The following SLC6A5 variants were observed in gnomAD, a reference collection of about 807,000 sequenced individuals.
SLC6A5 encodes sodium- and chloride-dependent glycine transporter 2.
Under a neutral mutation model 90.5 loss-of-function variants are expected in SLC6A5, and 58 were observed. That is an observed-to-expected ratio of 0.64 (90% CI 0.52 to 0.80). SLC6A5 has a LOEUF of 0.80. SLC6A5 is among the 30% of genes least tolerant of loss of function. SLC6A5 has a pLI of 0.00. For missense variants in SLC6A5, 1,015 were observed against 1,017.6 expected, an observed-to-expected ratio of 1.00 and a Z score of 0.03; for synonymous variants, 427 against 401.4, an observed-to-expected ratio of 1.06 and a Z score of -0.76.
chr11:20,623,672 C>T (rs1852935565), intron 7 of SLC6A5, among the ~76,000 whole-genome samples: 1 of 152,110 alleles, frequency 6.6e-6, no homozygotes, highest in South Asian at 2.1e-4. Context: ...TCCCTACTCC[C>T]ACCTTGCCGA....
chr11:20,603,841 G>A (rs2241942), intron 2 of SLC6A5, among the ~76,000 whole-genome samples: 37,133 of 151,878 alleles, frequency 0.24, 4,643 homozygotes, highest in Middle Eastern at 0.28. Flanking sequence ...TGTGGGAGAG[G>A]GTTAATTAGG....
chr11:20,618,679 G>A (rs1174740798), intron 7 of SLC6A5, among the ~76,000 whole-genome samples: 3 of 152,124 alleles, frequency 2.0e-5, no homozygotes, highest in Non-Finnish European at 4.4e-5. Flanking sequence ...GCTCAGGCCT[G>A]TAATCCCAGC....
intron 2 of SLC6A5, among the ~76,000 whole-genome samples, chr11:20,603,995 C>T (rs1012404465): frequency 6.6e-6 from 1 of 151,806 alleles, no homozygotes; most frequent in Admixed American, 6.6e-5. Flanking sequence ...GCTGGTGCGC[C>T]CTGACTGTAT....
chr11:20,654,469 T>C (rs1302771902), intron 15 of SLC6A5, among the ~76,000 whole-genome samples: 1 of 152,202 alleles, frequency 6.6e-6, no homozygotes, highest in Non-Finnish European at 1.5e-5. Flanking sequence ...GCAATTGCAA[T>C]ATTGCTTGCA....
Position 20,601,274 on chromosome 11 carries a change from G to T in SLC6A5, c.149G>T (p.Arg50Leu), listed in dbSNP as rs1445215942. The stretch of plus-strand genomic sequence containing the variant: ...GCGGCTGCCGCCCCGCCGCCGCCAC[G>T]TGTGCCCAGGTCCGCTTCCACCGGC... ...LPAAAAPPPP[R>L]VPRSASTGAQ... The change falls in exon 2 of 16, where the codon CGT becomes CTT. Residue 50 changes from arginine to leucine, a missense_variant. Coordinates refer to ENST00000525748, the MANE Select transcript of SLC6A5 (RefSeq NM_004211.5). 4 of 1,586,644 alleles carry T rather than the reference G, an allele frequency of 2.5e-6. No individual in the cohort carries two copies. The highest frequency in any genetic ancestry group is 2.2e-5 in the South Asian group (2 of 89,046).
At chr11:20,612,863 C>T (rs954374566) in intron 5 of SLC6A5, among the ~76,000 whole-genome samples, 2 of 152,212 alleles carry the variant, frequency 1.3e-5, no homozygotes, top group Non-Finnish European at 2.9e-5. Context: ...ACAATTTTAA[C>T]ACATTCAATA....
At chr11:20,623,492 C>T (rs75657491) in intron 7 of SLC6A5, among the ~76,000 whole-genome samples, 6,021 of 152,172 alleles carry the variant, frequency 0.04, 413 homozygotes, top group African/African-American at 0.14. Flanking sequence ...TTGTCCTTTG[C>T]CTGCTGGCTG....
chr11:20,619,006 C>T (rs1437538165), intron 7 of SLC6A5, among the ~76,000 whole-genome samples: 1 of 149,340 alleles, frequency 6.7e-6, no homozygotes, highest in Non-Finnish European at 1.5e-5. Context: ...AAGAGTTAAC[C>T]AGTTATTCTG....
intron 15 of SLC6A5, among the ~76,000 whole-genome samples, chr11:20,654,226 C>T (rs898281156): frequency 6.6e-6 from 1 of 151,124 alleles, no homozygotes; most frequent in African/African-American, 2.4e-5. Flanking sequence ...TTTTTTTTTT[C>T]CTCCGGTCAT....
In SLC6A5 at chr11:20,607,479, G is replaced by T. The variant is rs779904394; in HGVS notation, c.812G>T (p.Gly271Val). ...ACCCCTGGAATTTTTGCTTCTGCAG[G>T]CTGTGGCATCGCGATGCTGATCATC... The part of the protein sequence containing the change: ...SVWKAIPALQ[G>V]CGIAMLIISV... Residue 271 changes from glycine to valine, a missense_variant and splice_region_variant, in exon 5 of 16, where the codon GGC becomes GTC. Around this residue, in one of 3 missense-constraint regions of SLC6A5, gnomAD observed 567 missense variants for 507.3 expected, o/e 1.12. Coordinates refer to ENST00000525748, the MANE Select transcript of SLC6A5 (RefSeq NM_004211.5). The T allele has an allele frequency of 2.5e-6, 4 of 1,613,998 alleles. No individual in the cohort carries two copies. The Admixed American group carries it at 5.0e-5, about 20-fold the overall frequency.
At position 20,614,801 on chromosome 11, in the gene SLC6A5, G is replaced by T. The variant is rs1852755617; in HGVS notation, c.1108G>T (p.Gly370Ter). 6.2e-7 allele frequency: 1 copy of T among 1,613,696 alleles called. No individual in the cohort carries two copies. The highest frequency in any genetic ancestry group is 8.5e-7 in the Non-Finnish European group (1 of 1,179,712). ...CCAGGCCAATAAGACATTTGTCAGTGGAAGTGAAGAGTACTTCAAGTAAGA... is the reference window on the plus strand; with the variant it reads ...CCAGGCCAATAAGACATTTGTCAGTTGAAGTGAAGAGTACTTCAAGTAAGA... Reference protein sequence around the residue: ...TSQANKTFVSGSEEYFKYFVL... With the variant: ...TSQANKTFVS Residue 370 changes from glycine (G) to a stop codon, truncating the protein, a stop_gained, in exon 6 of 16, where the codon GGA becomes TGA. Transcript: ENST00000525748. LOFTEE classifies it high-confidence loss of function.
chr11:20,600,982 C>A (rs1255116136), intron 1 of SLC6A5, 147 bp from the exon 2 acceptor site: 6 of 741,714 alleles, frequency 8.1e-6, no homozygotes, highest in African/African-American at 7.3e-5. Context: ...CTGATTGCAG[C>A]CTTTCTTTTA....
chr11:20,614,189 G>A (rs1252295629), intron 5 of SLC6A5, among the ~76,000 whole-genome samples: 1 of 152,168 alleles, frequency 6.6e-6, no homozygotes, highest in Admixed American at 6.5e-5. Flanking sequence ...ACCCTTCAGG[G>A]GGTCTGCTTA....
At chr11:20,630,059 A>G (rs755134876) in intron 9 of SLC6A5, among the ~76,000 whole-genome samples, 5 of 152,220 alleles carry the variant, frequency 3.3e-5, no homozygotes, top group Non-Finnish European at 5.9e-5. Flanking sequence ...ATAGTGCTAT[A>G]GAATACTAGA....
chr11:20,616,327 T>G (rs1852782509), intron 6 of SLC6A5, among the ~76,000 whole-genome samples: 1 of 152,224 alleles, frequency 6.6e-6, no homozygotes, highest in African/African-American at 2.4e-5. Flanking sequence ...GGTAGTATGA[T>G]GAAATCTGAA....
intron 13 of SLC6A5, among the ~76,000 whole-genome samples, chr11:20,641,823 G>A (rs1853319992): frequency 6.6e-6 from 1 of 152,074 alleles, no homozygotes; most frequent in Admixed American, 6.5e-5. Context: ...TAGCTCCCAA[G>A]GAAGAACACA....
chr11:20,655,672 C>T lies in SLC6A5; in HGVS notation c.*804C>T, dbSNP rs1416374013. On this transcript the variant is annotated 3_prime_UTR_variant, in exon 16 of 16. Transcript: ENST00000525748. ...TACGTTCATAGTAGAGCTCCATGCT[C>T]ATTTCTACATGATATTTAGCACCAT... 1.3e-5 allele frequency: 2 copies of T among 152,242 alleles called. No individual in the cohort carries two copies. 9.4% of individuals were successfully genotyped at this position (152,242 alleles called of 1,614,324 possible).
chr11:20,641,519 AAAAT>A (rs1363445646), intron 13 of SLC6A5, among the ~76,000 whole-genome samples: 2 of 152,112 alleles, frequency 1.3e-5, no homozygotes, highest in Non-Finnish European at 2.9e-5. Flanking sequence ...CAAAACAACA[AAAAT>A]AAACTGTACC....
rs66487007 is a variant in SLC6A5, at chr11:20,649,891, C to G, written c.2071-2398C>G. Among the ~76,000 whole-genome samples, 777 of 152,286 alleles carry G rather than the reference C, an allele frequency of 5.1e-3. 9 individuals are homozygous for G. The highest frequency in any genetic ancestry group is 0.017 in the African/African-American group (725 of 41,544). ...TAGGGACAAATGTTTAAAAAGGGGCCTAGAGTAGACATCTCTTTCCATAGA... is the reference window on the plus strand; with the variant it reads ...TAGGGACAAATGTTTAAAAAGGGGCGTAGAGTAGACATCTCTTTCCATAGA... On this transcript the variant is annotated intron_variant, in intron 14 of 15. Coordinates refer to ENST00000525748, the MANE Select transcript of SLC6A5 (RefSeq NM_004211.5).
Sources: allele counts gnomAD v4.1 joint callset (sites outside exome capture counted in the v4.1 genomes callset), GRCh38; gene constraint gnomAD v4.1.1; regional missense constraint gnomAD v4.1.1; transcripts MANE v1.5; gene names NCBI Gene and HGNC (gene_info 2026-07-23, HGNC 2026-07-21).